The following KMT2C variants were observed in gnomAD, a reference collection of about 807,000 sequenced individuals.
The protein encoded by KMT2C is lysine methyltransferase 2C.
A neutral mutation model predicts 507.9 loss-of-function variants in KMT2C; 88 were observed. The ratio of observed to expected loss-of-function variants is 0.17; its 90% CI spans 0.15 to 0.21. KMT2C has a LOEUF of 0.21. KMT2C is among the 10% of genes least tolerant of loss of function. The probability of loss-of-function intolerance (pLI) is 1.00; values close to 1 mark genes in which losing one functional copy is unlikely to be tolerated. For missense variants in KMT2C, 4,954 were observed against 5,957.8 expected (o/e 0.83, Z 5.55); for synonymous variants, 2,049 against 2,080.8 (o/e 0.98, Z 0.42).
intron 1 of KMT2C, among the ~76,000 whole-genome samples, chr7:152,374,963 TAAAAAATAA>T: frequency 6.6e-6 from 1 of 152,242 alleles, no homozygotes; most frequent in South Asian, 2.1e-4. Flanking sequence ...ACTCCTCGAT[TAAAAAATAA>T]TGTCAAACAT....
At position 152,417,808 on chromosome 7, in the gene KMT2C, AT is replaced by A. The variant is rs1387438048; in HGVS notation, c.161+17817del. The stretch of plus-strand genomic sequence containing the variant: ...AGGCGCCTGCCACCACACCCAGCTA[AT>A]TTTTTGTATCTTTTAGTAGAGACGG... On this transcript the variant is annotated intron_variant, in intron 1 of 58. Coordinates refer to ENST00000262189, the MANE Select transcript of KMT2C (RefSeq NM_170606.3). Among the ~76,000 whole-genome samples, 3 of 151,708 alleles carry A rather than the reference AT, an allele frequency of 2.0e-5. No homozygotes were observed. In the East Asian group the frequency reaches 5.9e-4, roughly 30 times the overall value.
chr7:152,176,522 A>G lies in KMT2C; in HGVS notation c.8931T>C (p.Ser2977=). 6.2e-7 allele frequency: 1 copy of G among 1,614,184 alleles called. No individual in the cohort carries two copies. The highest frequency in any genetic ancestry group is 1.1e-5 in the South Asian group (1 of 91,082). ...CCTGAGAAAAAACATGGTTTACCCT[A>G]GAGACTACTGTCACATTAGAATTCA... is the stretch of plus-strand genomic sequence containing the variant. ...NAMNSNVTVV[S]RVNHVFSQGV... is the part of the protein sequence containing the mutation. The change falls in exon 38 of 59, where the codon TCT becomes TCC. Residue 2977 remains serine, a synonymous_variant. Coordinates refer to ENST00000262189, the MANE Select transcript of KMT2C (RefSeq NM_170606.3).
At chr7:152,361,492 G>A (rs945182310) in intron 1 of KMT2C, among the ~76,000 whole-genome samples, 2 of 152,118 alleles carry the variant, frequency 1.3e-5, no homozygotes, top group Admixed American at 6.5e-5. Context: ...GAACCCGGGA[G>A]GCAGAGGTTG....
Position 152,144,698 on chromosome 7 carries a change from A to G in KMT2C, c.14343+15T>C, listed in dbSNP as rs764549868. 6 of 1,609,952 alleles carry G rather than the reference A, an allele frequency of 3.7e-6. No homozygotes were observed. Among genetic ancestry groups the G allele is most frequent in the Middle Eastern group, 1.6e-4 (1 of 6,068 alleles). On this transcript the variant is annotated intron_variant, in intron 55 of 58. Transcript: ENST00000262189. This position sits in a 1 kb window ranked among gnomAD's most constrained non-coding sequence, Gnocchi z 4.4. ...CCCTGTCTCTCCACTTCCTGTACAC[A>G]AAGTATTTCTTCACCTGAATCCGAG...
chr7:152,304,657 G>A (rs116090206), intron 6 of KMT2C, among the ~76,000 whole-genome samples: 2,799 of 152,164 alleles, frequency 0.018, 84 homozygotes, highest in African/African-American at 0.064. Context: ...AATAGAGCTA[G>A]GTATCAGAAT....
Position 152,249,895 on chromosome 7 carries a change from T to A in KMT2C, c.1794A>T (p.Thr598=). 1 of 1,598,244 alleles carries A rather than the reference T, an allele frequency of 6.3e-7. No homozygotes were observed. The change falls in exon 13 of 59, where the codon ACA becomes ACT. Residue 598 remains threonine (T), a synonymous_variant. Coordinates refer to ENST00000262189, the MANE Select transcript of KMT2C (RefSeq NM_170606.3). ...GCTTACCAGCAATAAGAAGACTATC[T>A]GTGTCAAGACTTTCTGAGGGATGAC... ...QKSHPSESLD[T]DSLLIAVSSQ...
chr7:152,363,263 C>CT (rs1469885743), intron 1 of KMT2C, among the ~76,000 whole-genome samples: 1 of 152,172 alleles, frequency 6.6e-6, no homozygotes, highest in Non-Finnish European at 1.5e-5. Context: ...TCGTTCCCCT[C>CT]TTTTTCCTGT....
chr7:152,160,641 T>A (rs1017369288), intron 43 of KMT2C, among the ~76,000 whole-genome samples: 4 of 146,730 alleles, frequency 2.7e-5, no homozygotes, highest in African/African-American at 5.0e-5. Flanking sequence ...ATATTTATAT[T>A]TATATATATA....
chr7:152,372,685 T>C (rs1217061620), intron 1 of KMT2C, among the ~76,000 whole-genome samples: 1 of 152,118 alleles, frequency 6.6e-6, no homozygotes, highest in East Asian at 1.9e-4. Context: ...TAAATATATA[T>C]ACATGCCCCA....
intron 26 of KMT2C, among the ~76,000 whole-genome samples, chr7:152,202,610 CT>C (rs1391933836): frequency 1.3e-5 from 2 of 152,138 alleles, no homozygotes; most frequent in African/African-American, 4.8e-5. Context: ...TTCAACAGAA[CT>C]TGGGTGTGGG....
At chr7:152,161,126 T>C (rs2129102939) in intron 43 of KMT2C, among the ~76,000 whole-genome samples, 1 of 152,342 alleles carries the variant, frequency 6.6e-6, no homozygotes, top group African/African-American at 2.4e-5. Context: ...ATGGAGACTG[T>C]GCTGGAGAGT....
chr7:152,289,509 C>T (rs539408534), intron 6 of KMT2C, among the ~76,000 whole-genome samples: 2 of 152,076 alleles, frequency 1.3e-5, no homozygotes, highest in South Asian at 2.1e-4. Context: ...GAAATAAATG[C>T]TTTTTTCATG....
intron 40 of KMT2C, among the ~76,000 whole-genome samples, chr7:152,170,558 A>C (rs948217277): frequency 1.3e-5 from 2 of 152,228 alleles, no homozygotes; most frequent in African/African-American, 4.8e-5. Context: ...GCTGGAGTGC[A>C]GTGGCGTGAT....
chr7:152,256,294 A>G (rs1293388836), intron 9 of KMT2C, among the ~76,000 whole-genome samples: 2 of 152,178 alleles, frequency 1.3e-5, no homozygotes, highest in East Asian at 3.8e-4. Context: ...AGATTAATAA[A>G]TCTAACTCCA....
chr7:152,427,087 C>T lies in KMT2C; in HGVS notation c.161+8539G>A, dbSNP rs1365130904. Among the ~76,000 whole-genome samples the T allele has an allele frequency of 2.0e-5, 3 of 152,234 alleles. No individual in the cohort carries two copies. The East Asian group carries it at 5.8e-4, about 29-fold the overall frequency. ...CTGGAGTGCAATGGCACGATTTCAG[C>T]TCACTGCAAACTCTGCCACCCAGGT... On this transcript the variant is annotated intron_variant, in intron 1 of 58. Transcript: ENST00000262189.
intron 52 of KMT2C, 146 bp downstream of exon 52, chr7:152,147,885 AAC>A (rs1481879559): frequency 2.4e-6 from 2 of 818,396 alleles, no homozygotes; most frequent in African/African-American, 3.4e-5. Context: ...AAGGTGTGAG[AAC>A]ACAAACATTG....
rs115849057 is a variant in KMT2C at position 152,203,394 on chromosome 7, T to C, written c.3962-330A>G. 2.9e-3 allele frequency among the ~76,000 whole-genome samples: 438 copies of C among 152,092 alleles called. 3 individuals are homozygous for C. Among genetic ancestry groups the C allele is most frequent in the African/African-American group, 0.01 (421 of 41,536 alleles). ...TCATGAGTATGACGAAATGGCAACT[T>C]ATAAACTATTAAGAGAAATTCTGTG... On this transcript the variant is annotated intron_variant, in intron 25 of 58. Coordinates refer to ENST00000262189, the MANE Select transcript of KMT2C (RefSeq NM_170606.3).
intron 23 of KMT2C, among the ~76,000 whole-genome samples, chr7:152,214,446 T>C (rs1458168849): frequency 6.6e-6 from 1 of 152,202 alleles, no homozygotes; most frequent in Non-Finnish European, 1.5e-5. Flanking sequence ...ACTGAGACGT[T>C]AAGCTAAATG....
chr7:152,245,326 T>A (rs2095453240), intron 14 of KMT2C, among the ~76,000 whole-genome samples: 2 of 152,198 alleles, frequency 1.3e-5, no homozygotes, highest in Admixed American at 6.5e-5. Flanking sequence ...CATCGTCCAA[T>A]AAGGCAGCCA....
Sources: gnomAD v4.1 joint callset for allele counts (sites outside exome capture counted in the v4.1 genomes callset) on GRCh38, gnomAD v4.1.1 for gene constraint, Gnocchi (gnomAD v3.1) non-coding constraint, MANE v1.5 for transcripts, NCBI Gene and HGNC (gene_info 2026-07-23, HGNC 2026-07-21) for gene names.